The following CLEC16A variants were observed in gnomAD, a reference collection of about 807,000 sequenced individuals.
CLEC16A encodes the protein C-type lectin domain containing 16A.
CLEC16A carries 51 observed loss-of-function variants against 109.5 expected under a neutral mutation model. That is an observed-to-expected ratio of 0.47 (90% CI 0.37 to 0.59). CLEC16A has a LOEUF of 0.59. Ranked by LOEUF, CLEC16A falls within the 20% of genes least tolerant of loss-of-function variation. CLEC16A has a pLI of 0.00. For synonymous variants in CLEC16A, 673 were observed against 564.2 expected (o/e 1.19, Z -2.73); for missense variants, 1,339 against 1,394.0 (o/e 0.96, Z 0.63).
chr16:11,058,089 C>A (rs1443908218), intron 18 of CLEC16A, among the ~76,000 whole-genome samples: 1 of 152,214 alleles, frequency 6.6e-6, no homozygotes, highest in Non-Finnish European at 1.5e-5. Flanking sequence ...AATGTGCCTA[C>A]CAGGCCCTTA....
Position 11,178,386 on chromosome 16 carries a change from T to A in CLEC16A, c.2858T>A (p.Val953Glu). 1 of 1,613,794 alleles carries A rather than the reference T, an allele frequency of 6.2e-7. No individual in the cohort carries two copies. Among genetic ancestry groups the A allele is most frequent in the Non-Finnish European group, 8.5e-7 (1 of 1,179,860 alleles). ...LPKPHLPDQL[V>E]IVNETEADSK... The stretch of plus-strand genomic sequence containing the variant: ...AAGCCTCACCTTCCTGACCAGTTGG[T>A]AATCGTCAACGAAACGGAAGCAGAC... The change falls in exon 24 of 24, where the codon GTA becomes GAA. Residue 953 changes from valine (V) to glutamate (E), a missense_variant. Val to Glu is a moderately radical substitution (Grantham distance 121, BLOSUM62 -2). Coordinates refer to ENST00000409790, the MANE Select transcript of CLEC16A (RefSeq NM_015226.3). The surrounding 1 kb of genome is among the most constrained non-coding windows in gnomAD (Gnocchi z 6.5).
intron 10 of CLEC16A, among the ~76,000 whole-genome samples, chr16:10,985,214 A>T (rs1345380997): frequency 1.8e-5 from 2 of 112,410 alleles, no homozygotes; most frequent in Admixed American, 8.1e-5. Context: ...AAAAAAAAAA[A>T]AAAAAAATAT....
intron 19 of CLEC16A, among the ~76,000 whole-genome samples, chr16:11,063,414 G>A (rs527498247): frequency 5.1e-4 from 78 of 151,952 alleles, no homozygotes; most frequent in East Asian, 1.2e-3. Context: ...GTGAAGGACA[G>A]GTGAAGCCAT....
At chr16:11,136,797 C>T (rs145087593) in intron 22 of CLEC16A, among the ~76,000 whole-genome samples, 1 of 152,244 alleles carries the variant, frequency 6.6e-6, no homozygotes, top group Admixed American at 6.5e-5. Context: ...CAGCCCAGCA[C>T]ACATCCTGTC....
chr16:11,040,811 C>A (rs937345322), intron 14 of CLEC16A: 1 of 152,164 alleles, frequency 6.6e-6, no homozygotes, highest in Admixed American at 6.5e-5. Flanking sequence ...TGCGCCTGGC[C>A]TGCTGTTTCA....
chr16:11,010,372 C>T (rs915469689), intron 11 of CLEC16A, among the ~76,000 whole-genome samples: 1 of 152,084 alleles, frequency 6.6e-6, no homozygotes, highest in East Asian at 1.9e-4. Context: ...TTTGTAGTTG[C>T]TTTCTATTTA....
At chr16:11,035,313 T>G (rs2046960026) in intron 13 of CLEC16A, among the ~76,000 whole-genome samples, 1 of 152,192 alleles carries the variant, frequency 6.6e-6, no homozygotes, top group African/African-American at 2.4e-5. Flanking sequence ...TGTTTCCCCT[T>G]CATTTTGAGA....
At chr16:11,077,696 A>G (rs1032289942) in intron 19 of CLEC16A, among the ~76,000 whole-genome samples, 2 of 151,906 alleles carry the variant, frequency 1.3e-5, no homozygotes, top group Non-Finnish European at 2.9e-5. Flanking sequence ...AGACTTAAGA[A>G]CTCTGGTGGA....
At chr16:11,002,166 T>A (rs918735000) in intron 10 of CLEC16A, among the ~76,000 whole-genome samples, 3 of 152,234 alleles carry the variant, frequency 2.0e-5, no homozygotes, top group Admixed American at 2.0e-4. Flanking sequence ...TGCTTCAGTT[T>A]CTTCACCTGT....
chr16:11,105,371 C>A (rs1188926656), intron 19 of CLEC16A, among the ~76,000 whole-genome samples: 1 of 152,168 alleles, frequency 6.6e-6, no homozygotes, highest in Non-Finnish European at 1.5e-5. Context: ...GAAGCTTTTG[C>A]AAGTTGCTCA....
intron 19 of CLEC16A, among the ~76,000 whole-genome samples, chr16:11,111,277 G>A (rs1162039552): frequency 1.3e-5 from 2 of 152,152 alleles, no homozygotes; most frequent in African/African-American, 4.8e-5. Context: ...GGGCTCAATG[G>A]GAATAACTCT....
At chr16:11,080,594 G>A (rs2049649949) in intron 19 of CLEC16A, among the ~76,000 whole-genome samples, 1 of 152,222 alleles carries the variant, frequency 6.6e-6, no homozygotes, top group Non-Finnish European at 1.5e-5. Context: ...TACAGCTCTG[G>A]AGGTTAGAAG....
intron 11 of CLEC16A, among the ~76,000 whole-genome samples, chr16:11,009,450 A>G (rs2045263548): frequency 6.6e-6 from 1 of 152,198 alleles, no homozygotes. Context: ...GAATTGATAG[A>G]GGCTGCAGAG....
At chr16:11,024,386 C>T (rs960871684) in intron 12 of CLEC16A, 2 of 160,322 alleles carry the variant, frequency 1.2e-5, no homozygotes, top group African/African-American at 2.4e-5. Flanking sequence ...CACTAGGGCT[C>T]ATGTTCTTGA....
At chr16:10,955,392 A>G (rs760009622) in intron 1 of CLEC16A, among the ~76,000 whole-genome samples, 31 of 152,184 alleles carry the variant, frequency 2.0e-4, no homozygotes, top group Non-Finnish European at 3.8e-4. Context: ...CAGGTCTAGT[A>G]TGGGAGGCAG....
chr16:11,001,518 T>C (rs894205824), intron 10 of CLEC16A, among the ~76,000 whole-genome samples: 2 of 152,252 alleles, frequency 1.3e-5, no homozygotes, highest in South Asian at 4.1e-4. Context: ...TCCAACTCAG[T>C]AGCTGTGTGA....
intron 1 of CLEC16A, among the ~76,000 whole-genome samples, chr16:10,945,966 A>G (rs1016381490): frequency 6.6e-6 from 1 of 152,136 alleles, no homozygotes; most frequent in African/African-American, 2.4e-5. Flanking sequence ...CTCTCTGCTT[A>G]CTTAAAGAGT....
At chr16:11,067,011 A>G (rs980318545) in intron 19 of CLEC16A, among the ~76,000 whole-genome samples, 2 of 152,184 alleles carry the variant, frequency 1.3e-5, no homozygotes, top group Non-Finnish European at 2.9e-5. Flanking sequence ...ATGAACAATC[A>G]TTCCATAAAA....
In CLEC16A at chr16:11,178,922, C is replaced by A; in HGVS notation, c.*232C>A. On this transcript the variant is annotated 3_prime_UTR_variant, in exon 24 of 24. Transcript: ENST00000409790. This position sits in a 1 kb window ranked among gnomAD's most constrained non-coding sequence, Gnocchi z 6.5. ...GCTGGGACCAGCGGAGACACCGCGGCGAATGCAGATGACTGCACCGGCCAC... is the reference window on the plus strand; with the variant it reads ...GCTGGGACCAGCGGAGACACCGCGGAGAATGCAGATGACTGCACCGGCCAC... The A allele has an allele frequency of 2.1e-6, 1 of 482,050 alleles. No homozygotes were observed. The highest frequency in any genetic ancestry group is 4.0e-5 in the South Asian group (1 of 25,066). 29.9% of individuals were successfully genotyped at this position (482,050 alleles called of 1,614,324 possible).
Sources: allele counts gnomAD v4.1 joint callset (sites outside exome capture counted in the v4.1 genomes callset), GRCh38; gene constraint gnomAD v4.1.1; non-coding constraint Gnocchi (gnomAD v3.1); transcripts MANE v1.5; gene names NCBI Gene and HGNC (gene_info 2026-07-23, HGNC 2026-07-21).